NLGN1: variants seen among roughly 807,000 people sequenced by gnomAD.
The protein encoded by NLGN1 is neuroligin 1, also known as neuroligin-1.
In NLGN1, 12 loss-of-function variants were observed where a neutral mutation model predicts 65.5. That is an observed-to-expected ratio of 0.18 (90% CI 0.12 to 0.30). The LOEUF (loss-of-function observed/expected upper bound fraction) is 0.30, where lower values mean the gene tolerates loss of function less well. Among genes scored for constraint, NLGN1 ranks in the 10% least tolerant of loss-of-function variants. The pLI is 1.00. For synonymous variants in NLGN1, 350 were observed against 359.5 expected (o/e 0.97, Z 0.30); for missense variants, 750 against 1,007.1 (o/e 0.74, Z 3.46).
intron 3 of NLGN1, among the ~76,000 whole-genome samples, chr3:173,675,887 T>TCTCTCTCTCACACACACA (rs756157881): frequency 5.4e-4 from 75 of 138,634 alleles, no homozygotes; most frequent in African/African-American, 1.9e-3. Context: ...TCTCTCTCTC[T>TCTCTCTCTCACACACACA]CACACACACA....
At chr3:173,914,786 C>T (rs559556258) in intron 4 of NLGN1, 25 of 152,250 alleles carry the variant, frequency 1.6e-4, no homozygotes, top group Middle Eastern at 6.8e-3. Context: ...GATATAGGCT[C>T]TTCACACTAA....
At chr3:173,727,332 T>C (rs1252403202) in intron 3 of NLGN1, among the ~76,000 whole-genome samples, 1 of 152,112 alleles carries the variant, frequency 6.6e-6, no homozygotes, top group Non-Finnish European at 1.5e-5. Context: ...AAACATATTT[T>C]CCTTTGGAGA....
intron 4 of NLGN1, among the ~76,000 whole-genome samples, chr3:173,842,047 G>A (rs564560849): frequency 1.3e-5 from 2 of 152,278 alleles, no homozygotes; most frequent in South Asian, 4.1e-4. Flanking sequence ...ACATGGCTGG[G>A]GAGGCCTCAC....
intron 1 of NLGN1, among the ~76,000 whole-genome samples, chr3:173,421,968 T>C (rs932186055): frequency 6.6e-6 from 1 of 152,178 alleles, no homozygotes; most frequent in African/African-American, 2.4e-5. Flanking sequence ...ATACCCATAA[T>C]ATTTTGATAC....
intron 1 of NLGN1, among the ~76,000 whole-genome samples, chr3:173,417,941 TTAA>T (rs1439860009): frequency 6.6e-6 from 1 of 151,706 alleles, no homozygotes; most frequent in Admixed American, 6.6e-5. Flanking sequence ...AATACTCATC[TTAA>T]TAATGAGAAA....
At chr3:173,520,083 C>A (rs1194977362) in intron 2 of NLGN1, among the ~76,000 whole-genome samples, 1 of 152,162 alleles carries the variant, frequency 6.6e-6, no homozygotes. Flanking sequence ...TCCTCTCTCT[C>A]TTCTCCTGCT....
chr3:173,615,839 A>T (rs1560055676), intron 3 of NLGN1, among the ~76,000 whole-genome samples: 1 of 151,388 alleles, frequency 6.6e-6, no homozygotes. Flanking sequence ...CTGCTGGATT[A>T]CAGGCTGTTG....
intron 3 of NLGN1, among the ~76,000 whole-genome samples, chr3:173,610,533 G>A (rs1404559410): frequency 6.6e-6 from 1 of 151,904 alleles, no homozygotes; most frequent in Non-Finnish European, 1.5e-5. Flanking sequence ...AGTGAATGAA[G>A]ATAACAAAAG....
chr3:174,015,557 A>G (rs980114705), intron 4 of NLGN1, among the ~76,000 whole-genome samples: 3 of 152,196 alleles, frequency 2.0e-5, no homozygotes, highest in Admixed American at 6.5e-5. Flanking sequence ...AATGACTTCA[A>G]CATATGAATG....
At chr3:173,817,229 A>G (rs78328792) in intron 4 of NLGN1, among the ~76,000 whole-genome samples, 3,187 of 152,322 alleles carry the variant, frequency 0.021, 96 homozygotes, top group African/African-American at 0.071. Flanking sequence ...AGTGTTAAAT[A>G]AGGTTAAAAA....
chr3:173,679,394 C>T (rs1763621708), intron 3 of NLGN1, among the ~76,000 whole-genome samples: 1 of 151,972 alleles, frequency 6.6e-6, no homozygotes, highest in African/African-American at 2.4e-5. Context: ...AGCACTAATT[C>T]TGAGTCATGT....
At chr3:173,502,614 T>C (rs1731329529) in intron 2 of NLGN1, among the ~76,000 whole-genome samples, 1 of 152,156 alleles carries the variant, frequency 6.6e-6, no homozygotes, top group South Asian at 2.1e-4. Flanking sequence ...AGCTTGTTCT[T>C]TATACTGACA....
intron 2 of NLGN1, among the ~76,000 whole-genome samples, chr3:173,579,985 G>A (rs1746138780): frequency 6.6e-6 from 1 of 151,750 alleles, no homozygotes; most frequent in Non-Finnish European, 1.5e-5. Flanking sequence ...ATGTTTATGG[G>A]GTACATGAAA....
chr3:173,887,655 T>C (rs997188372), intron 4 of NLGN1, among the ~76,000 whole-genome samples: 5 of 152,004 alleles, frequency 3.3e-5, no homozygotes, highest in African/African-American at 1.2e-4. Context: ...TATGTTGCTA[T>C]GTAGGATAGT....
At chr3:173,714,527 T>A (rs1195733124) in intron 3 of NLGN1, among the ~76,000 whole-genome samples, 1 of 152,142 alleles carries the variant, frequency 6.6e-6, no homozygotes, top group South Asian at 2.1e-4. Flanking sequence ...AACAGGCTCT[T>A]ATGATACAGC....
chr3:173,493,427 TG>T (rs1197050276), intron 2 of NLGN1, among the ~76,000 whole-genome samples: 4 of 151,866 alleles, frequency 2.6e-5, no homozygotes, highest in African/African-American at 9.7e-5. Context: ...CTGATAAAAT[TG>T]GGGATTAGCA....
intron 4 of NLGN1, among the ~76,000 whole-genome samples, chr3:173,880,222 A>G (rs1732949114): frequency 6.6e-6 from 1 of 152,150 alleles, no homozygotes; most frequent in Non-Finnish European, 1.5e-5. Context: ...GCTCACATGT[A>G]GATTGTGTGG....
At chr3:173,950,306 C>T (rs573261961) in intron 4 of NLGN1, among the ~76,000 whole-genome samples, 23 of 152,200 alleles carry the variant, frequency 1.5e-4, no homozygotes, top group African/African-American at 5.3e-4. Flanking sequence ...AATATATTTA[C>T]TAGGAACTAT....
chr3:173,639,046 C>A (rs1374513418), intron 3 of NLGN1, among the ~76,000 whole-genome samples: 1 of 152,136 alleles, frequency 6.6e-6, no homozygotes, highest in African/African-American at 2.4e-5. Context: ...GACTGGTGAG[C>A]ATAGGGGTGA....
Sources: allele counts gnomAD v4.1 joint callset (sites outside exome capture counted in the v4.1 genomes callset), GRCh38; gene constraint gnomAD v4.1.1; transcripts MANE v1.5; gene names NCBI Gene and HGNC (gene_info 2026-07-23, HGNC 2026-07-21).